The following WIF1 variants were observed in gnomAD, a reference collection of about 807,000 sequenced individuals.
WIF1 encodes Wnt inhibitory factor 1.
WIF1 carries 35 observed loss-of-function variants against 53.5 expected under a neutral mutation model. The ratio of observed to expected loss-of-function variants is 0.65; its 90% CI spans 0.50 to 0.87. WIF1 has a LOEUF of 0.87. Among genes scored for constraint, WIF1 ranks in the 40% least tolerant of loss-of-function variants. The probability of loss-of-function intolerance (pLI) is 0.00; values close to 1 mark genes in which losing one functional copy is unlikely to be tolerated. For synonymous variants in WIF1, 171 were observed against 170.4 expected (o/e 1.00, Z -0.03); for missense variants, 467 against 476.8 (o/e 0.98, Z 0.19).
At chr12:65,105,493 G>A (rs1021462206) in intron 2 of WIF1, among the ~76,000 whole-genome samples, 3 of 152,208 alleles carry the variant, frequency 2.0e-5, no homozygotes, top group African/African-American at 7.2e-5. Flanking sequence ...CAAGGGCATG[G>A]CACTAGCATC....
chr12:65,071,000 C>T (rs1483126702), intron 3 of WIF1, among the ~76,000 whole-genome samples: 3 of 151,924 alleles, frequency 2.0e-5, no homozygotes, highest in Non-Finnish European at 4.4e-5. Context: ...CTTTGGGAGG[C>T]CGAGGCGGGT....
chr12:65,088,423 T>C (rs1883074425), intron 2 of WIF1, among the ~76,000 whole-genome samples: 1 of 152,184 alleles, frequency 6.6e-6, no homozygotes, highest in African/African-American at 2.4e-5. Context: ...TTATGCCATC[T>C]GTGCACATGT....
intron 2 of WIF1, among the ~76,000 whole-genome samples, chr12:65,078,552 A>G (rs2136622093): frequency 6.6e-6 from 1 of 152,316 alleles, no homozygotes; most frequent in Non-Finnish European, 1.5e-5. Flanking sequence ...TCTTTTGATC[A>G]GAATTTGGAG....
At chr12:65,086,650 A>AGAGG (rs1331312696) in intron 2 of WIF1, among the ~76,000 whole-genome samples, 2 of 151,200 alleles carry the variant, frequency 1.3e-5, no homozygotes, top group Non-Finnish European at 2.9e-5. Flanking sequence ...AGAAGAAGGG[A>AGAGG]GAGGGAGACA....
At position 65,056,073 on chromosome 12, in the gene WIF1, A is replaced by G; in HGVS notation, c.880T>C (p.Cys294Arg). The change falls in exon 8 of 10, where the codon TGT becomes CGT. Residue 294 changes from cysteine (C) to arginine (R), a missense_variant. Coordinates refer to ENST00000286574, the MANE Select transcript of WIF1 (RefSeq NM_007191.5). ...CCCTGGTAACCTTTGGAACACTTAC[A>G]TTTGCTTTTACCAATGCATTTACCT... Reference protein sequence around the residue: ...NGGKCIGKSKCKCSKGYQGDL... With the variant: ...NGGKCIGKSKRKCSKGYQGDL... 6.2e-7 allele frequency: 1 copy of G among 1,614,142 alleles called. No homozygotes were observed. The highest frequency in any genetic ancestry group is 8.5e-7 in the Non-Finnish European group (1 of 1,180,014).
rs71096021 is a variant in WIF1 at position 65,083,780 on chromosome 12, CCCTTTCCTTT to C, written c.289-5936_289-5927del. On this transcript the variant is annotated intron_variant, in intron 2 of 9. Coordinates refer to ENST00000286574, the MANE Select transcript of WIF1 (RefSeq NM_007191.5). ...CCTTTCCTCTTTTCCTTTTCCCTTT[CCCTTTCCTTT>C]CCTTTCCTTTCCTTTCCTTTCCTTT... The C allele has an allele frequency of 1.9e-3, 464 of 239,786 alleles. 9 individuals carry two copies. The highest frequency in any genetic ancestry group is 4.2e-3 in the East Asian group (29 of 6,856). The allele number at this position is 239,786 out of a possible 1,614,324, so 14.9% of individuals were successfully genotyped here.
chr12:65,120,750 C>T lies in WIF1; in HGVS notation c.149-194G>A, dbSNP rs1162982007. Reference sequence around the variant, plus strand: ...TGAGAATGATGCCAACAGACCCATGCTTTCAGGGAAAAGGGATGGACATGG... The same window carrying T: ...TGAGAATGATGCCAACAGACCCATGTTTTCAGGGAAAAGGGATGGACATGG... On this transcript the variant is annotated intron_variant, in intron 1 of 9. Transcript: ENST00000286574. 5 of 821,616 alleles carry T rather than the reference C, an allele frequency of 6.1e-6. No homozygotes were observed. In the African/African-American group the frequency reaches 6.9e-5, roughly 11 times the overall value. 50.9% of individuals were successfully genotyped at this position (821,616 alleles called of 1,614,324 possible). A position where few individuals can be genotyped will look rare whatever the true frequency, so the allele number is the denominator to read the frequency against.
intron 3 of WIF1, among the ~76,000 whole-genome samples, chr12:65,072,696 T>G (rs908649991): frequency 1.3e-5 from 2 of 151,882 alleles, no homozygotes; most frequent in Non-Finnish European, 2.9e-5. Flanking sequence ...CAACATGCAC[T>G]CAGAAAAACA....
intron 3 of WIF1, among the ~76,000 whole-genome samples, chr12:65,074,884 A>G (rs1882837600): frequency 6.6e-6 from 1 of 151,648 alleles, no homozygotes; most frequent in Non-Finnish European, 1.5e-5. Context: ...ACACTATGTG[A>G]CAGGGCATGA....
intron 2 of WIF1, among the ~76,000 whole-genome samples, chr12:65,110,145 C>T (rs1248619491): frequency 6.6e-6 from 1 of 152,124 alleles, no homozygotes; most frequent in Non-Finnish European, 1.5e-5. Context: ...TTTTCTTATA[C>T]ATAAAAGTGT....
At chr12:65,078,065 ATAGT>A (rs1484713329) in intron 2 of WIF1, among the ~76,000 whole-genome samples, 1 of 151,884 alleles carries the variant, frequency 6.6e-6, no homozygotes, top group Non-Finnish European at 1.5e-5. Flanking sequence ...AACAGCCACA[ATAGT>A]TAATCTGTTT....
At chr12:65,080,309 C>T (rs1882927993) in intron 2 of WIF1, among the ~76,000 whole-genome samples, 1 of 152,094 alleles carries the variant, frequency 6.6e-6, no homozygotes. Context: ...AAAATTGATT[C>T]ACTAGGATGG....
At chr12:65,070,359 T>C (rs1882754764) in intron 3 of WIF1, among the ~76,000 whole-genome samples, 1 of 152,158 alleles carries the variant, frequency 6.6e-6, no homozygotes, top group Admixed American at 6.5e-5. Flanking sequence ...TGTCTAAAGT[T>C]CTAAAGTAAA....
intron 7 of WIF1, among the ~76,000 whole-genome samples, chr12:65,061,939 A>G (rs568636113): frequency 6.6e-6 from 1 of 152,126 alleles, no homozygotes; most frequent in Non-Finnish European, 1.5e-5. Flanking sequence ...ACTTTCACTT[A>G]GTATCTGTGT....
intron 8 of WIF1, 46 bp downstream of exon 8, chr12:65,055,985 T>C (rs745390303): frequency 6.4e-7 from 1 of 1,568,138 alleles, no homozygotes. Context: ...TCCTGCTAGT[T>C]TAACGACCTA....
chr12:65,051,093 T>C lies in WIF1; in HGVS notation c.*256A>G, dbSNP rs375671208. On this transcript the variant is annotated 3_prime_UTR_variant, in exon 10 of 10. Transcript: ENST00000286574. ...ATATCTGCCAACTACACACTGAAAA[T>C]TTTAACCTGATCAATTGACATAATA... 3 of 337,196 alleles carry C rather than the reference T, an allele frequency of 8.9e-6. No homozygotes were observed. The highest frequency in any genetic ancestry group is 1.6e-5 in the Non-Finnish European group (3 of 190,204). The allele number at this position is 337,196 out of a possible 1,614,324, so 20.9% of individuals were successfully genotyped here. A position where few individuals can be genotyped will look rare whatever the true frequency, so the allele number is the denominator to read the frequency against.
chr12:65,073,437 G>C (rs1882812717), intron 3 of WIF1, among the ~76,000 whole-genome samples: 1 of 152,188 alleles, frequency 6.6e-6, no homozygotes, highest in Non-Finnish European at 1.5e-5. Flanking sequence ...AAGAGGCAAA[G>C]TCTTGGCTTC....
chr12:65,066,594 A>G (rs1226516023), intron 6 of WIF1, 47 bp downstream of exon 6: 5 of 1,510,612 alleles, frequency 3.3e-6, no homozygotes, highest in South Asian at 1.2e-5. Flanking sequence ...TTCTAATCAA[A>G]CATTTTAAAA....
chr12:65,057,391 C>CCCTAGGTG (rs1303566469), intron 7 of WIF1, among the ~76,000 whole-genome samples: 1 of 152,156 alleles, frequency 6.6e-6, no homozygotes, highest in African/African-American at 2.4e-5. Context: ...TGGAGTAAGG[C>CCCTAGGTG]CCTAGGTGTA....
Sources: allele counts gnomAD v4.1 joint callset (sites outside exome capture counted in the v4.1 genomes callset), GRCh38; gene constraint gnomAD v4.1.1; transcripts MANE v1.5; gene names NCBI Gene and HGNC (gene_info 2026-07-23, HGNC 2026-07-21).